NTNG1: variants seen among roughly 807,000 people sequenced by gnomAD.
The protein encoded by NTNG1 is netrin-G1.
In NTNG1, 16 loss-of-function variants were observed where a neutral mutation model predicts 54.0. The ratio of observed to expected loss-of-function variants is 0.30; its 90% CI spans 0.20 to 0.45. NTNG1 has a LOEUF of 0.45. Among genes scored for constraint, NTNG1 ranks in the 20% least tolerant of loss-of-function variants. NTNG1 has a pLI of 1.00. For synonymous variants in NTNG1, 255 were observed against 263.1 expected (o/e 0.97, Z 0.30); for missense variants, 530 against 678.7 (o/e 0.78, Z 2.43).
intron 3 of NTNG1, among the ~76,000 whole-genome samples, chr1:107,383,978 C>T (rs541360220): frequency 1.4e-4 from 22 of 152,306 alleles, no homozygotes; most frequent in African/African-American, 5.3e-4. Flanking sequence ...GCCTACCAGT[C>T]TTCGGATAGA....
chr1:107,171,256 C>T (rs927086687), intron 2 of NTNG1, among the ~76,000 whole-genome samples: 4 of 152,002 alleles, frequency 2.6e-5, no homozygotes, highest in African/African-American at 9.7e-5. Context: ...CAATTTTTCA[C>T]CCCCAAAAAA....
chr1:107,143,244 C>CT (rs1315669992), intron 1 of NTNG1: 1 of 152,070 alleles, frequency 6.6e-6, no homozygotes, highest in Admixed American at 6.5e-5. Flanking sequence ...GAACATAAAG[C>CT]TGGTTTCCTG....
At chr1:107,329,694 A>C (rs956848115) in intron 3 of NTNG1, among the ~76,000 whole-genome samples, 20 of 152,122 alleles carry the variant, frequency 1.3e-4, no homozygotes, top group African/African-American at 4.6e-4. Flanking sequence ...TTTTCCAATT[A>C]GTCTCAATTA....
At chr1:107,281,467 C>T (rs553691261) in intron 2 of NTNG1, among the ~76,000 whole-genome samples, 1 of 151,928 alleles carries the variant, frequency 6.6e-6, no homozygotes, top group East Asian at 1.9e-4. Flanking sequence ...CAAGAGTTTT[C>T]AAGATAATTG....
intron 7 of NTNG1, among the ~76,000 whole-genome samples, chr1:107,448,113 A>G (rs1676412810): frequency 6.6e-6 from 1 of 152,092 alleles, no homozygotes; most frequent in African/African-American, 2.4e-5. Context: ...GACTTCCAGT[A>G]CCACTTTTCT....
chr1:107,420,333 T>C (rs1166177112), intron 5 of NTNG1, among the ~76,000 whole-genome samples: 1 of 152,058 alleles, frequency 6.6e-6, no homozygotes, highest in African/African-American at 2.4e-5. Flanking sequence ...AATTCTGAAA[T>C]TTTAGCGAAA....
chr1:107,320,979 A>G (rs1667626370), intron 2 of NTNG1, among the ~76,000 whole-genome samples: 1 of 152,126 alleles, frequency 6.6e-6, no homozygotes. Context: ...ATGAAGGACG[A>G]AACTGTCATT....
intron 7 of NTNG1, among the ~76,000 whole-genome samples, chr1:107,460,797 C>T (rs1172102354): frequency 2.0e-5 from 3 of 152,180 alleles, no homozygotes; most frequent in Non-Finnish European, 2.9e-5. Context: ...TGGAGCAAGG[C>T]TGCATAAAAC....
At chr1:107,188,909 C>T (rs1295952478) in intron 2 of NTNG1, among the ~76,000 whole-genome samples, 1 of 152,032 alleles carries the variant, frequency 6.6e-6, no homozygotes, top group Non-Finnish European at 1.5e-5. Flanking sequence ...TTAAAATGGT[C>T]CTTCCTGGTA....
At chr1:107,188,977 T>G (rs562468051) in intron 2 of NTNG1, among the ~76,000 whole-genome samples, 1 of 152,208 alleles carries the variant, frequency 6.6e-6, no homozygotes, top group African/African-American at 2.4e-5. Flanking sequence ...ATTAATTCCA[T>G]CTCATTTGAG....
intron 5 of NTNG1, among the ~76,000 whole-genome samples, chr1:107,411,926 A>G (rs555016978): frequency 4.5e-4 from 69 of 152,172 alleles, no homozygotes; most frequent in Non-Finnish European, 8.1e-4. Context: ...TGCCTCTTTA[A>G]TCCTGAAGAA....
At chr1:107,344,819 C>T (rs142743541) in intron 3 of NTNG1, among the ~76,000 whole-genome samples, 79 of 152,224 alleles carry the variant, frequency 5.2e-4, no homozygotes, top group African/African-American at 1.8e-3. Context: ...GTCTAGTTGG[C>T]TGACAACAGT....
chr1:107,322,485 A>G (rs1314358461), intron 2 of NTNG1, among the ~76,000 whole-genome samples: 3 of 152,100 alleles, frequency 2.0e-5, no homozygotes, highest in African/African-American at 7.2e-5. Context: ...TAAAATGTGC[A>G]TTTACATATA....
At chr1:107,401,202 C>T (rs905121168) in intron 4 of NTNG1, among the ~76,000 whole-genome samples, 8 of 152,010 alleles carry the variant, frequency 5.3e-5, no homozygotes, top group Non-Finnish European at 1.0e-4. Context: ...TATCGGATGG[C>T]GGATTTTCAC....
chr1:107,152,572 CG>C (rs1228713840), intron 2 of NTNG1, among the ~76,000 whole-genome samples: 2 of 152,124 alleles, frequency 1.3e-5, no homozygotes, highest in Non-Finnish European at 2.9e-5. Flanking sequence ...AGCCTACAGA[CG>C]GAAGAACTCA....
chr1:107,263,675 T>C (rs528512316), intron 2 of NTNG1, among the ~76,000 whole-genome samples: 1 of 152,348 alleles, frequency 6.6e-6, no homozygotes, highest in South Asian at 2.1e-4. Flanking sequence ...CACTTAGCAT[T>C]TCTTGTCTCC....
chr1:107,404,083 A>T (rs374256477), intron 4 of NTNG1, among the ~76,000 whole-genome samples: 4 of 3,760 alleles, frequency 1.1e-3, no homozygotes, highest in South Asian at 0.045. Flanking sequence ...TTCTTAATTT[A>T]TATATATATA....
intron 2 of NTNG1, among the ~76,000 whole-genome samples, chr1:107,201,851 G>A (rs1658781179): frequency 6.6e-6 from 1 of 151,782 alleles, no homozygotes. Context: ...CAACTATCCT[G>A]ATATTCAGTT....
intron 7 of NTNG1, among the ~76,000 whole-genome samples, chr1:107,439,074 T>C (rs1275389781): frequency 1.3e-5 from 2 of 152,106 alleles, no homozygotes; most frequent in African/African-American, 4.8e-5. Context: ...CACATCCGAA[T>C]GAGAGGCCCA....
Sources: allele counts gnomAD v4.1 joint callset (sites outside exome capture counted in the v4.1 genomes callset), GRCh38; gene constraint gnomAD v4.1.1; transcripts MANE v1.5; gene names NCBI Gene and HGNC (gene_info 2026-07-23, HGNC 2026-07-21).